Variants in SPI1 observed in about 807,000 individuals in gnomAD.
The protein encoded by SPI1 is Spi-1 proto-oncogene.
Under a neutral mutation model 30.7 loss-of-function variants are expected in SPI1, and 3 were observed. That is an observed-to-expected ratio of 0.10 (90% CI 0.04 to 0.25). The LOEUF (loss-of-function observed/expected upper bound fraction) is 0.25, where lower values mean the gene tolerates loss of function less well. Ranked by LOEUF, SPI1 falls within the 10% of genes least tolerant of loss-of-function variation. The pLI, the probability that SPI1 is intolerant of heterozygous loss-of-function variation, is 1.00. For synonymous variants in SPI1, 169 were observed against 157.1 expected (o/e 1.08, Z -0.56); for missense variants, 261 against 371.5 (o/e 0.70, Z 2.45).
chr11:47,373,267 G>A (rs764505815), intron 2 of SPI1, among the ~76,000 whole-genome samples: 4 of 152,100 alleles, frequency 2.6e-5, no homozygotes, highest in Non-Finnish European at 4.4e-5. Context: ...CAGGAGAATC[G>A]CTTGAATCCG....
chr11:47,357,221 G>A (rs540922954), intron 4 of SPI1, among the ~76,000 whole-genome samples: 1 of 147,822 alleles, frequency 6.8e-6, no homozygotes, highest in African/African-American at 2.5e-5. Flanking sequence ...ACACACACAT[G>A]CTCACACATA....
At position 47,355,194 on chromosome 11, in the gene SPI1, G is replaced by A. The variant is rs1002317218; in HGVS notation, c.*33C>T. The A allele has an allele frequency of 1.5e-6, 2 of 1,310,598 alleles. No homozygotes were observed. Among genetic ancestry groups the A allele is most frequent in the Non-Finnish European group, 1.9e-6 (2 of 1,033,402 alleles). The allele number at this position is 1,310,598 out of a possible 1,614,324, so 81.2% of individuals were successfully genotyped here. The stretch of plus-strand genomic sequence containing the variant: ...AGGGCTTAATGCTATGGCCAGCGGG[G>A]AGGCCTGGCGGGGCCCGGCGGGGGC... On this transcript the variant is annotated 3_prime_UTR_variant, in exon 5 of 5. Coordinates refer to ENST00000378538, the MANE Select transcript of SPI1 (RefSeq NM_003120.3).
intron 1 of SPI1, among the ~76,000 whole-genome samples, chr11:47,377,991 C>T (rs987229062): frequency 8.5e-5 from 13 of 152,210 alleles, no homozygotes; most frequent in Non-Finnish European, 1.8e-4. Context: ...TCTCTACCAC[C>T]GCCTTCACCA....
rs765876439 is a variant in SPI1 at position 47,375,761 on chromosome 11, C to T, written c.46-32G>A. ...AGAGAGGAGGTGTCAGGGCCTGCACCATGGTGGGAGACCCCAGCCAGGCCT... is the reference window on the plus strand; with the variant it reads ...AGAGAGGAGGTGTCAGGGCCTGCACTATGGTGGGAGACCCCAGCCAGGCCT... On this transcript the variant is annotated intron_variant, in intron 1 of 4. Coordinates refer to ENST00000378538, the MANE Select transcript of SPI1 (RefSeq NM_003120.3). This position sits in a 1 kb window ranked among gnomAD's most constrained non-coding sequence, Gnocchi z 4.2. The T allele has an allele frequency of 5.1e-6, 8 of 1,581,488 alleles. No homozygotes were observed. The highest frequency in any genetic ancestry group is 6.9e-6 in the Non-Finnish European group (8 of 1,151,228).
intron 4 of SPI1, among the ~76,000 whole-genome samples, chr11:47,355,839 A>G (rs981909603): frequency 7.4e-6 from 1 of 135,452 alleles, no homozygotes; most frequent in East Asian, 2.2e-4. Context: ...GCTCACATCC[A>G]CATAACGCAC....
chr11:47,359,122 G>T lies in SPI1; in HGVS notation c.331-116C>A. The stretch of plus-strand genomic sequence containing the variant: ...TGCAGAGGGCAGGGGACAATGGCAG[G>T]CACAGGAGACTGGAGGAAGAAGACC... On this transcript the variant is annotated intron_variant, in intron 3 of 4. Coordinates refer to ENST00000378538, the MANE Select transcript of SPI1 (RefSeq NM_003120.3). This position sits in a 1 kb window ranked among gnomAD's most constrained non-coding sequence, Gnocchi z 5.1. 1.1e-6 allele frequency: 1 copy of T among 875,772 alleles called. No homozygotes were observed. Among genetic ancestry groups the T allele is most frequent in the Non-Finnish European group, 1.6e-6 (1 of 618,770 alleles). 54.3% of individuals were successfully genotyped at this position (875,772 alleles called of 1,614,324 possible). A position where few individuals can be genotyped will look rare whatever the true frequency, so the allele number is the denominator to read the frequency against.
intron 2 of SPI1, among the ~76,000 whole-genome samples, chr11:47,373,931 G>A (rs1595863732): frequency 6.6e-6 from 1 of 152,230 alleles, no homozygotes; most frequent in African/African-American, 2.4e-5. Context: ...TTCCAGCTAT[G>A]TGGGCAGCGC....
intron 2 of SPI1, 112 bp from the exon 3 acceptor site, chr11:47,360,152 T>A: frequency 1.0e-6 from 1 of 964,666 alleles, no homozygotes; most frequent in Non-Finnish European, 1.5e-6. Context: ...AACCATCTCG[T>A]TTAACCCTCG....
At position 47,375,226 on chromosome 11, in the gene SPI1, C is replaced by T. The variant is rs570232106; in HGVS notation, c.142+407G>A. The stretch of plus-strand genomic sequence containing the variant: ...GCGGGGAGTTTGGGACAGAGAGTGA[C>T]GAGAACAGAGAGGAGGAGGTGGGTA... On this transcript the variant is annotated intron_variant, in intron 2 of 4. Coordinates refer to ENST00000378538, the MANE Select transcript of SPI1 (RefSeq NM_003120.3). The surrounding 1 kb of genome is among the most constrained non-coding windows in gnomAD (Gnocchi z 4.2). Among the ~76,000 whole-genome samples, 1 of 152,028 alleles carries T rather than the reference C, an allele frequency of 6.6e-6. No homozygotes were observed. Among genetic ancestry groups the T allele is most frequent in the Admixed American group, 6.5e-5 (1 of 15,270 alleles).
At chr11:47,357,400 TCTG>T (rs1468965122) in intron 4 of SPI1, among the ~76,000 whole-genome samples, 7 of 151,966 alleles carry the variant, frequency 4.6e-5, no homozygotes, top group East Asian at 1.9e-4. Flanking sequence ...GCACATACAT[TCTG>T]CTCATGCATA....
intron 2 of SPI1, among the ~76,000 whole-genome samples, chr11:47,367,415 G>A (rs2095929904): frequency 6.6e-6 from 1 of 151,810 alleles, no homozygotes; most frequent in Admixed American, 6.6e-5. Context: ...GTAGCCGGGC[G>A]TGGTGGCATG....
Position 47,355,786 on chromosome 11 carries a change from C to T in SPI1, c.494-240G>A, listed in dbSNP as rs190017989. 2.7e-5 allele frequency among the ~76,000 whole-genome samples: 4 copies of T among 149,192 alleles called. No individual in the cohort carries two copies. In the East Asian group the frequency reaches 8.1e-4, roughly 30 times the overall value. On this transcript the variant is annotated intron_variant, in intron 4 of 4. Coordinates refer to ENST00000378538, the MANE Select transcript of SPI1 (RefSeq NM_003120.3). ...CACCCACGCACTCACCCCCCCCACG[C>T]GCACACACTCGCACCCACACAGTGC...
At chr11:47,355,796 C>T (rs1459383407) in intron 4 of SPI1, among the ~76,000 whole-genome samples, 6 of 149,966 alleles carry the variant, frequency 4.0e-5, no homozygotes, top group African/African-American at 1.5e-4. Flanking sequence ...CGCACACACT[C>T]GCACCCACAC....
intron 4 of SPI1, among the ~76,000 whole-genome samples, chr11:47,357,997 G>T (rs1248339150): frequency 6.6e-6 from 1 of 151,756 alleles, no homozygotes; most frequent in Non-Finnish European, 1.5e-5. Flanking sequence ...ACACACACCT[G>T]CTCACACATG....
In SPI1 at chr11:47,375,817, C is replaced by T; in HGVS notation, c.46-88G>A. The T allele has an allele frequency of 9.7e-7, 1 of 1,031,086 alleles. No homozygotes were observed. The highest frequency in any genetic ancestry group is 1.5e-6 in the Non-Finnish European group (1 of 652,390). 63.9% of individuals were successfully genotyped at this position (1,031,086 alleles called of 1,614,324 possible). On this transcript the variant is annotated intron_variant, in intron 1 of 4. Coordinates refer to ENST00000378538, the MANE Select transcript of SPI1 (RefSeq NM_003120.3). The surrounding 1 kb of genome is among the most constrained non-coding windows in gnomAD (Gnocchi z 4.2). ...ACCCCCGCACGCTGGGTCCCCATCACCTTCCCTGGCTCAGTGGCTGCGTTG... is the reference window on the plus strand; with the variant it reads ...ACCCCCGCACGCTGGGTCCCCATCATCTTCCCTGGCTCAGTGGCTGCGTTG...
At chr11:47,356,448 T>A (rs918747533) in intron 4 of SPI1, among the ~76,000 whole-genome samples, 2 of 146,612 alleles carry the variant, frequency 1.4e-5, no homozygotes, top group Non-Finnish European at 3.0e-5. Context: ...GCACACACAC[T>A]CAGACCCACT....
At chr11:47,357,462 T>G (rs536800790) in intron 4 of SPI1, among the ~76,000 whole-genome samples, 9 of 151,468 alleles carry the variant, frequency 5.9e-5, no homozygotes, top group Non-Finnish European at 8.8e-5. Context: ...CTCAGACACC[T>G]ACTTGCACAC....
Position 47,375,391 on chromosome 11 carries a change from A to G in SPI1, c.142+242T>C, listed in dbSNP as rs939012862. Among the ~76,000 whole-genome samples the G allele has an allele frequency of 6.6e-6, 1 of 152,224 alleles. No individual in the cohort carries two copies. The highest frequency in any genetic ancestry group is 6.5e-5 in the Admixed American group (1 of 15,286). On this transcript the variant is annotated intron_variant, in intron 2 of 4. Coordinates refer to ENST00000378538, the MANE Select transcript of SPI1 (RefSeq NM_003120.3). The surrounding 1 kb of genome is among the most constrained non-coding windows in gnomAD (Gnocchi z 4.2). Reference sequence around the variant, plus strand: ...TTATAAAGAAGACCACAAGGACAGAACCAGCAGATAACCATGGAAGAAATG... The same window carrying G: ...TTATAAAGAAGACCACAAGGACAGAGCCAGCAGATAACCATGGAAGAAATG...
chr11:47,378,430 G>A lies in SPI1; in HGVS notation c.-77C>T, dbSNP rs930399725. 2.6e-5 allele frequency: 39 copies of A among 1,511,640 alleles called. No individual in the cohort carries two copies. The highest frequency in any genetic ancestry group is 1.2e-4 in the African/African-American group (9 of 72,722). The allele number at this position is 1,511,640 out of a possible 1,614,324, so 93.6% of individuals were successfully genotyped here. ...AGAGCCCCTCAGGATGGGGTGCCCC[G>A]TCAGGGGCTGGACGGTCGTGGGGCG... On this transcript the variant is annotated 5_prime_UTR_variant, in exon 1 of 5. The change creates a new upstream start codon in the 5' untranslated region. Transcript: ENST00000378538.
Sources: allele counts gnomAD v4.1 joint callset (sites outside exome capture counted in the v4.1 genomes callset), GRCh38; gene constraint gnomAD v4.1.1; non-coding constraint Gnocchi (gnomAD v3.1); transcripts MANE v1.5; gene names NCBI Gene and HGNC (gene_info 2026-07-23, HGNC 2026-07-21).